The following C9orf153 variants were observed in gnomAD, a reference collection of about 807,000 sequenced individuals.
C9orf153 encodes the protein chromosome 9 open reading frame 153.
Under a neutral mutation model 9.0 loss-of-function variants are expected in C9orf153, and 10 were observed. The observed-to-expected ratio is 1.11, with a 90% CI of 0.69 to 1.89. The LOEUF (loss-of-function observed/expected upper bound fraction) is 1.89. C9orf153 is among the 40% of genes most tolerant of loss of function. C9orf153 has a pLI of 0.00. For synonymous variants in C9orf153, 35 were observed against 37.3 expected (o/e 0.94, Z 0.23); for missense variants, 108 against 111.0 (o/e 0.97, Z 0.12).
At chr9:86,258,885 T>C (rs1278487609) in intron 1 of C9orf153, among the ~76,000 whole-genome samples, 1 of 151,988 alleles carries the variant, frequency 6.6e-6, no homozygotes, top group Admixed American at 6.6e-5. Context: ...TTGTTATACT[T>C]GATGAGCCGG....
chr9:86,222,219 G>A (rs1824219840), intron 3 of C9orf153, among the ~76,000 whole-genome samples: 1 of 152,072 alleles, frequency 6.6e-6, no homozygotes, highest in African/African-American at 2.4e-5. Flanking sequence ...GAGACCCTGT[G>A]ATGTCAATTT....
At chr9:86,240,025 G>A (rs1824696354) in intron 1 of C9orf153, among the ~76,000 whole-genome samples, 2 of 152,134 alleles carry the variant, frequency 1.3e-5, no homozygotes, top group Admixed American at 1.3e-4. Context: ...CAAACTCGAT[G>A]ATACTGACCA....
At chr9:86,240,008 G>A (rs1166098236) in intron 1 of C9orf153, among the ~76,000 whole-genome samples, 1 of 152,168 alleles carries the variant, frequency 6.6e-6, no homozygotes, top group African/African-American at 2.4e-5. Flanking sequence ...GAAGGCACTG[G>A]TGCACACAAA....
intron 1 of C9orf153, among the ~76,000 whole-genome samples, chr9:86,259,011 ATAG>A (rs1254743715): frequency 6.7e-6 from 1 of 150,310 alleles, no homozygotes; most frequent in African/African-American, 2.5e-5. Context: ...ATCCACTTTG[ATAG>A]TATCATACAG....
chr9:86,244,848 C>T (rs961116786), intron 1 of C9orf153, among the ~76,000 whole-genome samples: 2 of 152,186 alleles, frequency 1.3e-5, no homozygotes, highest in Admixed American at 6.5e-5. Flanking sequence ...GTATCCCTGA[C>T]AACATACTCT....
chr9:86,229,595 G>T lies in C9orf153; in HGVS notation c.9C>A (p.Leu3=), dbSNP rs1284095017. The T allele has an allele frequency of 6.2e-7, 1 of 1,611,136 alleles. No homozygotes were observed. Among genetic ancestry groups the T allele is most frequent in the African/African-American group, 1.3e-5 (1 of 74,944 alleles). The change falls in exon 2 of 4, where the codon CTC becomes CTA. Residue 3 remains leucine, a synonymous_variant. Coordinates refer to ENST00000339137, the MANE Select transcript of C9orf153 (RefSeq NM_001276366.4). MF[L]TGDTSPAEDN... ...CCTCAGCTGGACTGGTGTCTCCAGTGAGGAACATCGTGCTGGGATTTTATT... is the reference window on the plus strand; with the variant it reads ...CCTCAGCTGGACTGGTGTCTCCAGTTAGGAACATCGTGCTGGGATTTTATT...
chr9:86,254,109 A>G (rs78678369), intron 1 of C9orf153, among the ~76,000 whole-genome samples: 1 of 148,564 alleles, frequency 6.7e-6, no homozygotes, highest in African/African-American at 2.5e-5. Flanking sequence ...AAAAAAAAAA[A>G]AGACTGCAAC....
chr9:86,243,189 T>A (rs915947019), intron 1 of C9orf153, among the ~76,000 whole-genome samples: 1 of 152,198 alleles, frequency 6.6e-6, no homozygotes, highest in African/African-American at 2.4e-5. Context: ...ACTATTGTAC[T>A]CAGTCCCATG....
chr9:86,221,812 G>T, intron 3 of C9orf153, 79 bp from the exon 4 acceptor site: 1 of 942,240 alleles, frequency 1.1e-6, no homozygotes, highest in South Asian at 1.6e-5. Flanking sequence ...TTCATGGACA[G>T]GGTAAACCTT....
intron 1 of C9orf153, among the ~76,000 whole-genome samples, chr9:86,240,392 T>C (rs1212325911): frequency 6.6e-6 from 1 of 151,388 alleles, no homozygotes; most frequent in Non-Finnish European, 1.5e-5. Flanking sequence ...TTTTTTTTTT[T>C]TGGCAATAGA....
chr9:86,233,877 G>A (rs932540585), intron 1 of C9orf153, among the ~76,000 whole-genome samples: 1 of 152,172 alleles, frequency 6.6e-6, no homozygotes, highest in Non-Finnish European at 1.5e-5. Context: ...AAGGTCAAGA[G>A]ATCAAGACCA....
chr9:86,223,434 C>A (rs1484582718), intron 3 of C9orf153, among the ~76,000 whole-genome samples: 1 of 152,144 alleles, frequency 6.6e-6, no homozygotes, highest in Non-Finnish European at 1.5e-5. Context: ...TGCTGCTGCA[C>A]TCCAGCCTGG....
intron 1 of C9orf153, among the ~76,000 whole-genome samples, chr9:86,257,984 A>G (rs898985297): frequency 6.6e-6 from 1 of 152,218 alleles, no homozygotes; most frequent in Non-Finnish European, 1.5e-5. Context: ...TGCGGAGGCC[A>G]GATTGCTTTC....
At chr9:86,229,770 C>T (rs1824426513) in intron 1 of C9orf153, 141 bp from the exon 2 acceptor site, 1 of 572,208 alleles carries the variant, frequency 1.7e-6, no homozygotes, top group Non-Finnish European at 3.1e-6. Context: ...TTAGTCCATT[C>T]TTGAATTGCT....
At chr9:86,241,687 C>T (rs1171587630) in intron 1 of C9orf153, among the ~76,000 whole-genome samples, 2 of 151,994 alleles carry the variant, frequency 1.3e-5, no homozygotes, top group Admixed American at 1.3e-4. Flanking sequence ...AATACAGCAG[C>T]AAGATCTCAG....
At chr9:86,255,997 C>T (rs961406822) in intron 1 of C9orf153, among the ~76,000 whole-genome samples, 3 of 152,236 alleles carry the variant, frequency 2.0e-5, no homozygotes, top group Admixed American at 2.0e-4. Context: ...TTTCACTTAT[C>T]AGCTGCCTCT....
intron 1 of C9orf153, among the ~76,000 whole-genome samples, chr9:86,251,971 G>T (rs961909792): frequency 1.3e-5 from 2 of 151,458 alleles, no homozygotes; most frequent in African/African-American, 4.9e-5. Context: ...GGGGAGAAGA[G>T]AGAAGACGAG....
intron 1 of C9orf153, among the ~76,000 whole-genome samples, chr9:86,257,298 C>T (rs1187541766): frequency 2.0e-5 from 3 of 152,138 alleles, no homozygotes; most frequent in African/African-American, 7.2e-5. Flanking sequence ...TACTGGGTTC[C>T]ATGCTTTGGG....
chr9:86,227,816 A>T (rs778221489), intron 3 of C9orf153, 39 bp downstream of exon 3: 23 of 1,583,514 alleles, frequency 1.5e-5, no homozygotes, highest in Non-Finnish European at 2.0e-5. Context: ...GAGGAGCTCA[A>T]TCATGGATGC....
Sources: allele counts gnomAD v4.1 joint callset (sites outside exome capture counted in the v4.1 genomes callset), GRCh38; gene constraint gnomAD v4.1.1; transcripts MANE v1.5; gene names NCBI Gene and HGNC (gene_info 2026-07-23, HGNC 2026-07-21).